LARP7: variants seen among roughly 807,000 people sequenced by gnomAD.
LARP7 encodes la-related protein 7.
Under a neutral mutation model 69.3 loss-of-function variants are expected in LARP7, and 52 were observed. The observed-to-expected ratio is 0.75, with a 90% CI of 0.60 to 0.95. The LOEUF is 0.95. Ranked by LOEUF, LARP7 falls within the 40% of genes least tolerant of loss-of-function variation. The probability of loss-of-function intolerance (pLI) is 0.00; values close to 1 mark genes in which losing one functional copy is unlikely to be tolerated. For synonymous variants in LARP7, 254 were observed against 215.9 expected (o/e 1.18, Z -1.55); for missense variants, 733 against 673.0 (o/e 1.09, Z -0.99).
At chr4:112,643,432 A>C (rs2048036030) in intron 1 of LARP7, among the ~76,000 whole-genome samples, 1 of 152,212 alleles carries the variant, frequency 6.6e-6, no homozygotes, top group Non-Finnish European at 1.5e-5. Flanking sequence ...AAGAAGTGCA[A>C]GGACTGTATG....
rs1224412059 is a variant in LARP7 at position 112,647,430 on chromosome 4, G to GGAA, written c.881_883dup (p.Lys294dup). On this transcript the variant is annotated inframe_insertion, in exon 7 of 13. Transcript: ENST00000344442. ...TCTAGCTTACCTGAAGTCAGAACAG[G>GGAA]GAAGAGGAAGAGAAGCAGCTCTGAA... 6.2e-7 allele frequency: 1 copy of GGAA among 1,613,892 alleles called. No individual in the cohort carries two copies. The highest frequency in any genetic ancestry group is 8.5e-7 in the Non-Finnish European group (1 of 1,179,988).
chr4:112,648,472 G>A (rs757087059), intron 8 of LARP7: 3 of 533,910 alleles, frequency 5.6e-6, no homozygotes, highest in Admixed American at 3.9e-5. Context: ...TTTTGGAGAA[G>A]TAAATTGGAT....
At chr4:112,647,575 T>G (rs757205617) in intron 7 of LARP7, 26 bp downstream of exon 7, 19 of 1,505,444 alleles carry the variant, frequency 1.3e-5, no homozygotes, top group Non-Finnish European at 1.5e-5. Context: ...TTTAATTAGA[T>G]AAAACTAATT....
Position 112,647,440 on chromosome 4 carries a change from G to T in LARP7, c.888G>T (p.Lys296Asn). 2 of 1,614,076 alleles carry T rather than the reference G, an allele frequency of 1.2e-6. No homozygotes were observed. Among genetic ancestry groups the T allele is most frequent in the Non-Finnish European group, 1.7e-6 (2 of 1,180,006 alleles). ...CTGAAGTCAGAACAGGGAAGAGGAAGAGAAGCAGCTCTGAAGATGCAGAAT... is the reference window on the plus strand; with the variant it reads ...CTGAAGTCAGAACAGGGAAGAGGAATAGAAGCAGCTCTGAAGATGCAGAAT... ...SLPEVRTGKR[K>N]RSSSEDAESL... is the part of the protein sequence containing the mutation. Residue 296 changes from lysine to asparagine, a missense_variant, in exon 7 of 13, where the codon AAG (lysine) becomes AAT (asparagine). Transcript: ENST00000344442.
chr4:112,645,904 ATT>A (rs1293743400), intron 2 of LARP7, among the ~76,000 whole-genome samples: 4 of 152,022 alleles, frequency 2.6e-5, no homozygotes, highest in Non-Finnish European at 5.9e-5. Flanking sequence ...ATTGCTAATA[ATT>A]TGTGTTCAAA....
rs1181476610 is a variant in LARP7, at chr4:112,647,528, G to A, written c.976G>A (p.Glu326Lys). ...GAAAGACATCATTAAGGAAGCATCA[G>A]AAGCTTCCAAGGAAAATAGAGGTAA... ...IQKDIIKEAS[E>K]ASKENRDIEI... The change falls in exon 7 of 13, where the codon GAA (glutamate) becomes AAA (lysine). Residue 326 changes from glutamate to lysine, a missense_variant. Coordinates refer to ENST00000344442, the MANE Select transcript of LARP7 (RefSeq NM_016648.4). The A allele has an allele frequency of 3.7e-6, 6 of 1,606,484 alleles. No homozygotes were observed. Among genetic ancestry groups the A allele is most frequent in the African/African-American group, 1.3e-5 (1 of 74,290 alleles).
rs575345453 is a variant in LARP7, at chr4:112,644,374, T to G, written c.-2-294T>G. 1.2e-5 allele frequency: 7 copies of G among 581,902 alleles called. No homozygotes were observed. In the South Asian group the frequency reaches 4.0e-4, roughly 33 times the overall value. 36.0% of individuals were successfully genotyped at this position (581,902 alleles called of 1,614,324 possible). On this transcript the variant is annotated intron_variant, in intron 1 of 12. Transcript: ENST00000344442. ...AATCTTACACTTTTCACTTACTGACTTAAAAGTGCAGCTTAGTGAGATAAA... is the reference window on the plus strand; with the variant it reads ...AATCTTACACTTTTCACTTACTGACGTAAAAGTGCAGCTTAGTGAGATAAA...
At chr4:112,652,586 T>C (rs1322890576) in intron 10 of LARP7, among the ~76,000 whole-genome samples, 1 of 152,168 alleles carries the variant, frequency 6.6e-6, no homozygotes, top group African/African-American at 2.4e-5. Context: ...TCTAGTATTT[T>C]AGGTTTGGTT....
intron 12 of LARP7, 57 bp downstream of exon 12, chr4:112,654,216 A>G (rs1406414626): frequency 1.5e-5 from 18 of 1,180,294 alleles, no homozygotes; most frequent in East Asian, 2.3e-5. Context: ...TTTAATGCCA[A>G]AGTCAGTACT....
At chr4:112,637,470 G>A (rs1393919050) in intron 1 of LARP7, 2 of 152,316 alleles carry the variant, frequency 1.3e-5, no homozygotes, top group Non-Finnish European at 2.9e-5. Flanking sequence ...CCCGGCGTGG[G>A]GAGGTTTGGG....
chr4:112,643,232 A>C (rs1029452561), intron 1 of LARP7, among the ~76,000 whole-genome samples: 1 of 152,232 alleles, frequency 6.6e-6, no homozygotes, highest in Admixed American at 6.5e-5. Flanking sequence ...GAACAAAAAT[A>C]AGGCAGGGGA....
intron 10 of LARP7, among the ~76,000 whole-genome samples, chr4:112,652,293 T>TCCC (rs58727958): frequency 9.3e-5 from 9 of 97,252 alleles, no homozygotes; most frequent in East Asian, 6.1e-4. Context: ...AAATAAGATT[T>TCCC]CCCCCCCCCC....
rs770312658 is a variant in LARP7, at chr4:112,647,569, A to G, written c.997+20A>G. 3.4e-5 allele frequency: 49 copies of G among 1,445,390 alleles called. No homozygotes were observed. The highest frequency in any genetic ancestry group is 4.1e-5 in the Non-Finnish European group (44 of 1,060,744). 89.5% of individuals were successfully genotyped at this position (1,445,390 alleles called of 1,614,324 possible). ...ATAGAGGTAAAACTACAAGGTTTTA[A>G]TTAGATAAAACTAATTAATTTTAAT... On this transcript the variant is annotated intron_variant, in intron 7 of 12. Transcript: ENST00000344442.
chr4:112,638,974 G>C (rs1042715489), intron 1 of LARP7, among the ~76,000 whole-genome samples: 3 of 152,162 alleles, frequency 2.0e-5, no homozygotes, highest in Non-Finnish European at 4.4e-5. Context: ...TAGAGTCCGT[G>C]GTGATAAATT....
chr4:112,648,260 G>A (rs1471061674), intron 8 of LARP7: 1 of 530,450 alleles, frequency 1.9e-6, no homozygotes, highest in Admixed American at 2.0e-5. Flanking sequence ...GGGGAGCCCA[G>A]TCTTGGAAAA....
chr4:112,648,392 T>A, intron 8 of LARP7: 1 of 534,762 alleles, frequency 1.9e-6, no homozygotes, highest in Non-Finnish European at 3.8e-6. Context: ...GCACTTACTT[T>A]TGTTTCACAC....
In LARP7 at chr4:112,644,891, G is replaced by T. The variant is rs2048104237; in HGVS notation, c.202+20G>T. The stretch of plus-strand genomic sequence containing the variant: ...ATGGATGTAAGTTTGCTTCAGTAAA[G>T]GAACCAATTTTTAGATATGGTTGCC... On this transcript the variant is annotated intron_variant, in intron 2 of 12. Transcript: ENST00000344442. 5 of 1,358,792 alleles carry T rather than the reference G, an allele frequency of 3.7e-6. No individual in the cohort carries two copies. In the East Asian group the frequency reaches 1.3e-4, roughly 35 times the overall value. The allele number at this position is 1,358,792 out of a possible 1,614,324, so 84.2% of individuals were successfully genotyped here.
At chr4:112,642,730 C>T (rs1316463711) in intron 1 of LARP7, among the ~76,000 whole-genome samples, 1 of 152,180 alleles carries the variant, frequency 6.6e-6, no homozygotes, top group Non-Finnish European at 1.5e-5. Flanking sequence ...CCCATTTACC[C>T]ACAACAGGCA....
At position 112,647,145 on chromosome 4, in the gene LARP7, T is replaced by C. The variant is rs546316084; in HGVS notation, c.646+18T>C. 1.8e-5 allele frequency: 28 copies of C among 1,599,214 alleles called. No homozygotes were observed. Among genetic ancestry groups the C allele is most frequent in the Admixed American group, 3.6e-5 (2 of 55,704 alleles). ...AGTTGTGGGTGAGTATTTTTCAATA[T>C]TTAAATAGGTGTAGTTGAAGTAAGA... On this transcript the variant is annotated intron_variant, in intron 6 of 12. Coordinates refer to ENST00000344442, the MANE Select transcript of LARP7 (RefSeq NM_016648.4).
Sources: allele counts gnomAD v4.1 joint callset (sites outside exome capture counted in the v4.1 genomes callset), GRCh38; gene constraint gnomAD v4.1.1; transcripts MANE v1.5; gene names NCBI Gene and HGNC (gene_info 2026-07-23, HGNC 2026-07-21).